SIGLEC15: variants seen among roughly 807,000 people sequenced by gnomAD.
SIGLEC15 encodes sialic acid binding Ig like lectin 15.
Under a neutral mutation model 26.2 loss-of-function variants are expected in SIGLEC15, and 31 were observed. That is an observed-to-expected ratio of 1.18 (90% CI 0.89 to 1.60). The LOEUF (loss-of-function observed/expected upper bound fraction) is 1.60, where lower values mean the gene tolerates loss of function less well. Ranked by LOEUF, SIGLEC15 falls within the 40% of genes most tolerant of loss-of-function variation. The probability of loss-of-function intolerance (pLI) is 0.00; values close to 1 mark genes in which losing one functional copy is unlikely to be tolerated. For missense variants in SIGLEC15, 501 were observed against 488.4 expected, an observed-to-expected ratio of 1.03 and a Z score of -0.24; for synonymous variants, 207 against 221.9, an observed-to-expected ratio of 0.93 and a Z score of 0.60.
intron 1 of SIGLEC15, among the ~76,000 whole-genome samples, chr18:45,831,651 G>A (rs1348103395): frequency 6.6e-6 from 1 of 152,146 alleles, no homozygotes; most frequent in African/African-American, 2.4e-5. Flanking sequence ...GAAATTCCAG[G>A]TGAGTTAAGG....
chr18:45,838,538 A>G, intron 3 of SIGLEC15, 180 bp from the exon 4 acceptor site: 1 of 797,116 alleles, frequency 1.3e-6, no homozygotes, highest in Non-Finnish European at 1.9e-6. Flanking sequence ...CACATGGAGA[A>G]GCAGAAGCAG....
intron 5 of SIGLEC15, 30 bp downstream of exon 5, chr18:45,840,271 C>A: frequency 6.2e-7 from 1 of 1,605,698 alleles, no homozygotes; most frequent in Non-Finnish European, 8.5e-7. Flanking sequence ...CCACCCTACC[C>A]TACCCCACCC....
At chr18:45,838,237 T>G (rs2048293236) in intron 3 of SIGLEC15, among the ~76,000 whole-genome samples, 1 of 152,166 alleles carries the variant, frequency 6.6e-6, no homozygotes, top group Non-Finnish European at 1.5e-5. Flanking sequence ...CAATGTGGTG[T>G]GTGCTACCAG....
rs755968829 is a variant in SIGLEC15, at chr18:45,837,839, G to T, written c.439G>T (p.Ala147Ser). ...DRRYFCRVEF[A>S]GDVHDRYESR... ...CCGCTACTTCTGCCGCGTCGAGTTC[G>T]CCGGCGACGTCCATGACCGCTACGA... is the stretch of plus-strand genomic sequence containing the variant. Residue 147 changes from alanine (A) to serine (S), a missense_variant, in exon 3 of 6, where the codon GCC becomes TCC. Coordinates refer to ENST00000389474, the MANE Select transcript of SIGLEC15 (RefSeq NM_213602.3). The T allele has an allele frequency of 8.5e-5, 130 of 1,535,668 alleles. No individual in the cohort carries two copies. Among genetic ancestry groups the T allele is most frequent in the Non-Finnish European group, 1.1e-4 (123 of 1,151,556 alleles).
intron 3 of SIGLEC15, 39 bp from the exon 4 acceptor site, chr18:45,838,679 G>T (rs2048296406): frequency 6.6e-7 from 1 of 1,516,340 alleles, no homozygotes; most frequent in East Asian, 2.4e-5. Flanking sequence ...CTAAGGGGAG[G>T]GGTGCCCTTG....
Position 45,843,673 on chromosome 18 carries a change from G to A in SIGLEC15, c.*1486G>A, listed in dbSNP as rs1027613983. On this transcript the variant is annotated 3_prime_UTR_variant, in exon 6 of 6. Transcript: ENST00000389474. Reference sequence around the variant, plus strand: ...GCAGGTGGATCACTTGAGGTCAGGAGTTCGAGACCAGCCTAGCTAACATGG... The same window carrying A: ...GCAGGTGGATCACTTGAGGTCAGGAATTCGAGACCAGCCTAGCTAACATGG... 6.6e-6 allele frequency: 1 copy of A among 152,262 alleles called. No individual in the cohort carries two copies. The allele number at this position is 152,262 out of a possible 1,614,324, so 9.4% of individuals were successfully genotyped here. A position where few individuals can be genotyped will look rare whatever the true frequency, so the allele number is the denominator to read the frequency against.
At chr18:45,835,628 C>T (rs1025092241) in intron 1 of SIGLEC15, among the ~76,000 whole-genome samples, 3 of 152,254 alleles carry the variant, frequency 2.0e-5, no homozygotes, top group Non-Finnish European at 4.4e-5. Context: ...TGATGCTTTG[C>T]TTTGCTATTT....
At chr18:45,835,287 C>T (rs1033703334) in intron 1 of SIGLEC15, among the ~76,000 whole-genome samples, 2 of 152,192 alleles carry the variant, frequency 1.3e-5, no homozygotes, top group African/African-American at 4.8e-5. Context: ...TAAAGGTAAG[C>T]TTCTCAGAGA....
chr18:45,837,012 A>G lies in SIGLEC15; in HGVS notation c.53-17A>G. ...TTTATTCACGTGTAACCCGGGGTTA[A>G]CTGTGTTTATCTGTAGGCTCATTTG... On this transcript the variant is annotated splice_polypyrimidine_tract_variant and intron_variant, in intron 1 of 5. Coordinates refer to ENST00000389474, the MANE Select transcript of SIGLEC15 (RefSeq NM_213602.3). 1 of 1,260,070 alleles carries G rather than the reference A, an allele frequency of 7.9e-7. No individual in the cohort carries two copies. The highest frequency in any genetic ancestry group is 1.9e-4 in the Middle Eastern group (1 of 5,302). The allele number at this position is 1,260,070 out of a possible 1,614,324, so 78.1% of individuals were successfully genotyped here. A position where few individuals can be genotyped will look rare whatever the true frequency, so the allele number is the denominator to read the frequency against.
chr18:45,827,033 G>C (rs2048190369), intron 1 of SIGLEC15, among the ~76,000 whole-genome samples: 1 of 152,162 alleles, frequency 6.6e-6, no homozygotes, highest in South Asian at 2.1e-4. Flanking sequence ...TTGTGCCTCA[G>C]CCTCCCAAGT....
Position 45,837,874 on chromosome 18 carries a change from C to A in SIGLEC15, c.474C>A (p.His158Gln), listed in dbSNP as rs1008875294. The A allele has an allele frequency of 6.5e-7, 1 of 1,530,356 alleles. No individual in the cohort carries two copies. Among genetic ancestry groups the A allele is most frequent in the Non-Finnish European group, 8.7e-7 (1 of 1,149,740 alleles). The allele number at this position is 1,530,356 out of a possible 1,614,324, so 94.8% of individuals were successfully genotyped here. ...GDVHDRYESR[H>Q]GVRLHVTAAP... ...TCCATGACCGCTACGAGAGCCGCCA[C>A]GGCGTCCGGCTGCACGTGACAGGCG... The change falls in exon 3 of 6, where the codon CAC becomes CAA. Residue 158 changes from histidine (H) to glutamine (Q), a missense_variant. Transcript: ENST00000389474.
Position 45,833,849 on chromosome 18 carries a change from A to G in SIGLEC15, c.53-3180A>G, listed in dbSNP as rs76435099. ...CCAGATTCATTAGAGTGCTGTAGTA[A>G]TGAAGCACATGACATGCTGTATTGA... On this transcript the variant is annotated intron_variant, in intron 1 of 5. Coordinates refer to ENST00000389474, the MANE Select transcript of SIGLEC15 (RefSeq NM_213602.3). Among the ~76,000 whole-genome samples, 194 of 152,340 alleles carry G rather than the reference A, an allele frequency of 1.3e-3. 1 individual carries two copies. The highest frequency in any genetic ancestry group is 2.6e-3 in the Non-Finnish European group (176 of 68,032).
intron 1 of SIGLEC15, among the ~76,000 whole-genome samples, chr18:45,834,856 G>A (rs1028508184): frequency 6.6e-5 from 10 of 152,354 alleles, no homozygotes; most frequent in Admixed American, 1.3e-4. Context: ...TGAGGTCACA[G>A]AAAGTGAGAA....
At chr18:45,834,032 C>A (rs2048256174) in intron 1 of SIGLEC15, among the ~76,000 whole-genome samples, 1 of 152,224 alleles carries the variant, frequency 6.6e-6, no homozygotes, top group Non-Finnish European at 1.5e-5. Flanking sequence ...TCATGCCTGG[C>A]AACCTCTATG....
chr18:45,840,509 G>C (rs1184276455), intron 5 of SIGLEC15, among the ~76,000 whole-genome samples: 1 of 152,080 alleles, frequency 6.6e-6, no homozygotes, highest in Non-Finnish European at 1.5e-5. Flanking sequence ...CCACATTCTT[G>C]AACAGGCAGA....
At position 45,843,429 on chromosome 18, in the gene SIGLEC15, G is replaced by A. The variant is rs1258661657; in HGVS notation, c.*1242G>A. 2 of 152,266 alleles carry A rather than the reference G, an allele frequency of 1.3e-5. No homozygotes were observed. The highest frequency in any genetic ancestry group is 4.8e-5 in the African/African-American group (2 of 41,466). 9.4% of individuals were successfully genotyped at this position (152,266 alleles called of 1,614,324 possible). A position where few individuals can be genotyped will look rare whatever the true frequency, so the allele number is the denominator to read the frequency against. On this transcript the variant is annotated 3_prime_UTR_variant, in exon 6 of 6. Transcript: ENST00000389474. ...CAGGCTAGGGGAATAACGAGGCCAT[G>A]AACAAGACATCTCACCCCAGTTACA...
intron 2 of SIGLEC15, 122 bp downstream of exon 2, chr18:45,837,210 G>A: frequency 1.4e-6 from 2 of 1,452,282 alleles, no homozygotes; most frequent in African/African-American, 2.9e-5. Context: ...AGAATATGGG[G>A]TCAAGGGGCC....
chr18:45,838,042 C>CCT, intron 3 of SIGLEC15, 146 bp downstream of exon 3: 1 of 1,108,236 alleles, frequency 9.0e-7, no homozygotes. Context: ...GGATCTCACA[C>CCT]CTGGGGGTAG....
rs367858034 is a variant in SIGLEC15 at position 45,832,503 on chromosome 18, C to T, written c.53-4526C>T. 1.6e-4 allele frequency among the ~76,000 whole-genome samples: 25 copies of T among 152,142 alleles called. No homozygotes were observed. In the East Asian group the frequency reaches 2.9e-3, roughly 18 times the overall value. ...GGACGTGCCAGGCACAGATTGGGTG[C>T]TTGATAAAAGTCTGATGAAGAATGG... On this transcript the variant is annotated intron_variant, in intron 1 of 5. Transcript: ENST00000389474.
Sources: gnomAD v4.1 joint callset for allele counts (sites outside exome capture counted in the v4.1 genomes callset) on GRCh38, gnomAD v4.1.1 for gene constraint, MANE v1.5 for transcripts, NCBI Gene and HGNC (gene_info 2026-07-23, HGNC 2026-07-21) for gene names.